The following NKAIN2 variants were observed in gnomAD, a reference collection of about 807,000 sequenced individuals.
The protein encoded by NKAIN2 is sodium/potassium-transporting ATPase subunit beta-1-interacting protein 2.
NKAIN2 carries 14 observed loss-of-function variants against 32.6 expected under a neutral mutation model. The observed-to-expected ratio is 0.43, with a 90% CI of 0.28 to 0.67. The LOEUF is 0.67. Ranked by LOEUF, NKAIN2 falls within the 30% of genes least tolerant of loss-of-function variation. The pLI, the probability that NKAIN2 is intolerant of heterozygous loss-of-function variation, is 0.17. For synonymous variants in NKAIN2, 80 were observed against 87.2 expected (o/e 0.92, Z 0.46); for missense variants, 198 against 258.3 (o/e 0.77, Z 1.60).
At chr6:124,749,259 G>A (rs571556240) in intron 4 of NKAIN2, among the ~76,000 whole-genome samples, 17 of 151,984 alleles carry the variant, frequency 1.1e-4, no homozygotes, top group African/African-American at 3.4e-4. Context: ...CTGGGAAAGC[G>A]TCTCTGCTTT....
intron 3 of NKAIN2, among the ~76,000 whole-genome samples, chr6:124,396,154 G>T (rs1773367897): frequency 6.6e-6 from 1 of 151,890 alleles, no homozygotes; most frequent in Non-Finnish European, 1.5e-5. Flanking sequence ...AAACAGATGA[G>T]GTTAAAAACA....
At chr6:124,068,838 AAAG>A (rs1043926434) in intron 1 of NKAIN2, among the ~76,000 whole-genome samples, 6 of 152,038 alleles carry the variant, frequency 3.9e-5, no homozygotes, top group African/African-American at 7.2e-5. Context: ...AGCGATAAGA[AAAG>A]AAGTCCTTTC....
At chr6:124,693,557 G>A (rs1429705449) in intron 4 of NKAIN2, among the ~76,000 whole-genome samples, 1 of 152,164 alleles carries the variant, frequency 6.6e-6, no homozygotes, top group Non-Finnish European at 1.5e-5. Context: ...AGATAATAGG[G>A]TGACTCAGAT....
chr6:124,379,221 G>GAGGGGAGGGGAGGA (rs1800145050), intron 3 of NKAIN2, among the ~76,000 whole-genome samples: 1 of 2,304 alleles, frequency 4.3e-4, no homozygotes, highest in Non-Finnish European at 9.3e-4. Context: ...GGGAAAGGAG[G>GAGGGGAGGGGAGGA]GAAGAGGGGA....
chr6:124,335,078 A>G (rs977054966), intron 2 of NKAIN2, among the ~76,000 whole-genome samples: 2 of 152,228 alleles, frequency 1.3e-5, no homozygotes, highest in African/African-American at 4.8e-5. Flanking sequence ...GAAGACAGGT[A>G]TCACACGAAA....
chr6:123,967,242 C>T (rs1289417857), intron 1 of NKAIN2, among the ~76,000 whole-genome samples: 3 of 152,140 alleles, frequency 2.0e-5, no homozygotes, highest in Non-Finnish European at 1.5e-5. Context: ...TGGGTGTGCA[C>T]ATGTGTATGT....
chr6:124,772,073 G>T (rs1310996866), intron 4 of NKAIN2, among the ~76,000 whole-genome samples: 1 of 152,146 alleles, frequency 6.6e-6, no homozygotes, highest in Non-Finnish European at 1.5e-5. Context: ...GAAAGAGTGA[G>T]AAAGATATTT....
chr6:123,808,105 T>C (rs1773295784), intron 1 of NKAIN2, among the ~76,000 whole-genome samples: 1 of 152,208 alleles, frequency 6.6e-6, no homozygotes, highest in Non-Finnish European at 1.5e-5. Context: ...TTCATAATCA[T>C]GTGCTATTTT....
chr6:124,312,690 T>C (rs1178388038), intron 2 of NKAIN2, among the ~76,000 whole-genome samples: 2 of 152,148 alleles, frequency 1.3e-5, no homozygotes, highest in Non-Finnish European at 2.9e-5. Context: ...GGAGACTTCA[T>C]TGGCTAGTTA....
intron 2 of NKAIN2, among the ~76,000 whole-genome samples, chr6:124,308,966 C>A (rs1050419924): frequency 6.6e-6 from 1 of 152,092 alleles, no homozygotes; most frequent in Non-Finnish European, 1.5e-5. Flanking sequence ...AAGATTATTA[C>A]AGAATGATAA....
intron 1 of NKAIN2, among the ~76,000 whole-genome samples, chr6:124,077,339 C>T (rs561795629): frequency 1.5e-4 from 23 of 152,210 alleles, no homozygotes; most frequent in Admixed American, 1.2e-3. Flanking sequence ...TTTTTACATC[C>T]GTTTTCTCAC....
At chr6:123,940,434 T>C (rs147116971) in intron 1 of NKAIN2, among the ~76,000 whole-genome samples, 1 of 151,946 alleles carries the variant, frequency 6.6e-6, no homozygotes, top group Non-Finnish European at 1.5e-5. Context: ...GATTGAGAAA[T>C]GTGTTGTGAC....
intron 4 of NKAIN2, among the ~76,000 whole-genome samples, chr6:124,721,662 CTT>C (rs992183432): frequency 5.3e-5 from 8 of 152,066 alleles, no homozygotes; most frequent in African/African-American, 1.7e-4. Context: ...TCCAAGAAGT[CTT>C]TTTATCTTTG....
At chr6:124,407,114 G>T (rs1475505235) in intron 3 of NKAIN2, among the ~76,000 whole-genome samples, 2 of 151,736 alleles carry the variant, frequency 1.3e-5, no homozygotes, top group Non-Finnish European at 2.9e-5. Flanking sequence ...CCAAACTCCA[G>T]GTCACAAAAA....
chr6:124,171,227 T>G (rs1375897691), intron 1 of NKAIN2, among the ~76,000 whole-genome samples: 2 of 152,116 alleles, frequency 1.3e-5, no homozygotes, highest in Admixed American at 1.3e-4. Context: ...TTTGTTTTGT[T>G]TTGGGAGCTA....
chr6:124,256,339 T>C (rs946840464), intron 1 of NKAIN2, among the ~76,000 whole-genome samples: 20 of 152,218 alleles, frequency 1.3e-4, no homozygotes, highest in African/African-American at 3.9e-4. Flanking sequence ...TATGTACATA[T>C]GTGTAATTCA....
chr6:124,089,902 C>T (rs2114925524), intron 1 of NKAIN2, among the ~76,000 whole-genome samples: 1 of 151,980 alleles, frequency 6.6e-6, no homozygotes, highest in South Asian at 2.1e-4. Flanking sequence ...TACTAAGTGG[C>T]AGACCAATCA....
intron 1 of NKAIN2, among the ~76,000 whole-genome samples, chr6:124,182,442 G>T (rs758853890): frequency 5.3e-5 from 8 of 152,118 alleles, no homozygotes; most frequent in Non-Finnish European, 1.0e-4. Context: ...CATAGACAAA[G>T]ACTTTGTCTT....
intron 3 of NKAIN2, among the ~76,000 whole-genome samples, chr6:124,431,280 A>T (rs1367383405): frequency 6.6e-6 from 1 of 152,086 alleles, no homozygotes; most frequent in African/African-American, 2.4e-5. Flanking sequence ...CTCTGGCCAG[A>T]TTCCCACATG....
Sources: gnomAD v4.1 joint callset for allele counts (sites outside exome capture counted in the v4.1 genomes callset) on GRCh38, gnomAD v4.1.1 for gene constraint, MANE v1.5 for transcripts, NCBI Gene and HGNC (gene_info 2026-07-23, HGNC 2026-07-21) for gene names.